Variants in ANKMY1 observed in about 807,000 individuals in gnomAD.
ANKMY1 encodes ankyrin repeat and MYND domain-containing protein 1.
Under a neutral mutation model 102.0 loss-of-function variants are expected in ANKMY1, and 98 were observed. That is an observed-to-expected ratio of 0.96 (90% CI 0.82 to 1.14). The LOEUF is 1.14. Among genes scored for constraint, ANKMY1 ranks in the 50% most tolerant of loss-of-function variants. The probability of loss-of-function intolerance (pLI) is 0.00; values close to 1 mark genes in which losing one functional copy is unlikely to be tolerated. For missense variants in ANKMY1, 1,330 were observed against 1,347.6 expected, an observed-to-expected ratio of 0.99 and a Z score of 0.20; for synonymous variants, 582 against 559.9, an observed-to-expected ratio of 1.04 and a Z score of -0.56.
chr2:240,490,907 C>A (rs887379515), intron 15 of ANKMY1, among the ~76,000 whole-genome samples: 1 of 152,054 alleles, frequency 6.6e-6, no homozygotes, highest in Non-Finnish European at 1.5e-5. Flanking sequence ...AGATAATCTG[C>A]CTAATGCTGA....
At chr2:240,523,277 A>G (rs2082664248) in intron 8 of ANKMY1, 1 of 152,850 alleles carries the variant, frequency 6.5e-6, no homozygotes. Flanking sequence ...CCATGCCCCC[A>G]AGCAGGCCGG....
Position 240,524,115 on chromosome 2 carries a change from C to T in ANKMY1, c.1602G>A (p.Val534=). The part of the protein sequence containing the change: ...SPLVKGSLGH[V]ESGLEDVLGN... Reference sequence around the variant, plus strand: ...CCAACACGTCCTCAAGCCCGCTTTCCACATGGCCAAGGCTGCCCTTCACCA... The same window carrying T: ...CCAACACGTCCTCAAGCCCGCTTTCTACATGGCCAAGGCTGCCCTTCACCA... Residue 534 remains valine, a synonymous_variant, in exon 8 of 18, where the codon GTG becomes GTA. Transcript: ENST00000401804. 1 of 1,614,072 alleles carries T rather than the reference C, an allele frequency of 6.2e-7. No homozygotes were observed.
chr2:240,525,118 C>T (rs1375091699), intron 7 of ANKMY1, among the ~76,000 whole-genome samples: 1 of 152,268 alleles, frequency 6.6e-6, no homozygotes. Flanking sequence ...TGTCCTAGTT[C>T]CTGTTTTCTT....
intron 9 of ANKMY1, 55 bp from the exon 10 acceptor site, chr2:240,512,997 G>A: frequency 6.3e-7 from 1 of 1,577,430 alleles, no homozygotes; most frequent in Non-Finnish European, 8.6e-7. Context: ...GGGAGAGACA[G>A]GTGAGGTACC....
chr2:240,555,087 T>C, intron 2 of ANKMY1, 32 bp from the exon 3 acceptor site: 4 of 1,608,512 alleles, frequency 2.5e-6, no homozygotes, highest in Non-Finnish European at 3.4e-6. Context: ...GAGGGAAGAG[T>C]GAAGTGGCTG....
At chr2:240,494,042 C>T (rs1411010325) in intron 15 of ANKMY1, among the ~76,000 whole-genome samples, 1 of 152,098 alleles carries the variant, frequency 6.6e-6, no homozygotes, top group East Asian at 1.9e-4. Context: ...AGGTAGGTGC[C>T]AGCTGAGGTG....
chr2:240,523,371 G>GCTAA (rs773035512), intron 8 of ANKMY1: 87 of 161,922 alleles, frequency 5.4e-4, no homozygotes, highest in Non-Finnish European at 9.0e-4. Flanking sequence ...CAAGGAGAAG[G>GCTAA]CTAACAGAGT....
chr2:240,513,274 C>G (rs1559293193), intron 9 of ANKMY1, among the ~76,000 whole-genome samples: 1 of 152,220 alleles, frequency 6.6e-6, no homozygotes. Context: ...CCCTGCCAGG[C>G]CCACCACATT....
In ANKMY1 at chr2:240,513,788, C is replaced by A. The variant is rs180972999; in HGVS notation, c.2005-846G>T. Among the ~76,000 whole-genome samples, 111 of 152,374 alleles carry A rather than the reference C, an allele frequency of 7.3e-4. 2 individuals carry two copies. Among genetic ancestry groups the A allele is most frequent in the African/African-American group, 2.6e-3 (107 of 41,592 alleles). On this transcript the variant is annotated intron_variant, in intron 9 of 17. Transcript: ENST00000401804. ...CCCAGCTTGACAGCAGCCCCTGCGA[C>A]CTCCACACAGCCCAACACCCACAGC... is the stretch of plus-strand genomic sequence containing the variant.
intron 13 of ANKMY1, among the ~76,000 whole-genome samples, chr2:240,501,280 G>C (rs1407203289): frequency 6.6e-6 from 1 of 152,200 alleles, no homozygotes; most frequent in Non-Finnish European, 1.5e-5. Context: ...GTGTGTTTGT[G>C]AGTGAGTGCA....
intron 5 of ANKMY1, chr2:240,527,324 AGATGAATGGATGGTTG>A (rs137902043): frequency 0.18 from 21,273 of 118,400 alleles, 2,454 homozygotes; most frequent in East Asian, 0.69. Context: ...GTAGGTGGGT[AGATGAATGGATGGTTG>A]GATGAATGGA....
rs1032528623 is a variant in ANKMY1 at position 240,499,883 on chromosome 2, C to A, written c.2806+75G>T. Reference sequence around the variant, plus strand: ...CAAGAGCCCCAGGGGGTCCAGATCTCCAGGGATAACAGCCCCAGGCACGAG... The same window carrying A: ...CAAGAGCCCCAGGGGGTCCAGATCTACAGGGATAACAGCCCCAGGCACGAG... On this transcript the variant is annotated intron_variant, in intron 15 of 17. Transcript: ENST00000401804. This position sits in a 1 kb window ranked among gnomAD's most constrained non-coding sequence, Gnocchi z 4.2. The A allele has an allele frequency of 6.1e-5, 92 of 1,499,726 alleles. 1 individual carries two copies. The African/African-American group carries it at 9.5e-4, about 16-fold the overall frequency. The allele number at this position is 1,499,726 out of a possible 1,614,324, so 92.9% of individuals were successfully genotyped here. A position where few individuals can be genotyped will look rare whatever the true frequency, so the allele number is the denominator to read the frequency against.
chr2:240,470,142 C>T, the ANKMY1 span, among the ~76,000 whole-genome samples: 2 of 152,246 alleles, frequency 1.3e-5, no homozygotes, highest in African/African-American at 2.4e-5. Context: ...GGCCCTCTGT[C>T]GAGAAACACC....
At chr2:240,534,859 T>G (rs1199803465) in intron 4 of ANKMY1, among the ~76,000 whole-genome samples, 2 of 151,976 alleles carry the variant, frequency 1.3e-5, no homozygotes, top group African/African-American at 4.8e-5. Flanking sequence ...TCCCAGCACT[T>G]TCGGAGGCTG....
chr2:240,500,390 G>T, intron 14 of ANKMY1, 62 bp downstream of exon 14: 2 of 1,509,048 alleles, frequency 1.3e-6, no homozygotes, highest in Non-Finnish European at 9.1e-7. Flanking sequence ...TAATGCCCCA[G>T]CCGGGGGCCC....
chr2:240,505,389 G>C (rs545948386), intron 13 of ANKMY1, among the ~76,000 whole-genome samples: 3 of 151,772 alleles, frequency 2.0e-5, no homozygotes, highest in South Asian at 4.2e-4. Context: ...TTGAACCTGA[G>C]AGGCGGAGGT....
chr2:240,483,687 TTTC>T (rs1158280393), intron 15 of ANKMY1, among the ~76,000 whole-genome samples: 1 of 152,214 alleles, frequency 6.6e-6, no homozygotes, highest in African/African-American at 2.4e-5. Flanking sequence ...GTGGATTCTT[TTTC>T]TTCTTATTAT....
intron 11 of ANKMY1, among the ~76,000 whole-genome samples, chr2:240,509,922 C>T (rs1485429923): frequency 1.3e-5 from 2 of 151,810 alleles, no homozygotes; most frequent in Admixed American, 6.6e-5. Flanking sequence ...AGGGCAGCCC[C>T]GTCCATGCCT....
intron 4 of ANKMY1, among the ~76,000 whole-genome samples, chr2:240,548,518 A>C (rs1299021876): frequency 6.6e-6 from 1 of 152,070 alleles, no homozygotes; most frequent in Non-Finnish European, 1.5e-5. Context: ...GGCCAGGGCA[A>C]TTAGGCAGGA....
Sources: allele counts gnomAD v4.1 joint callset (sites outside exome capture counted in the v4.1 genomes callset), GRCh38; gene constraint gnomAD v4.1.1; non-coding constraint Gnocchi (gnomAD v3.1); transcripts MANE v1.5; gene names NCBI Gene and HGNC (gene_info 2026-07-23, HGNC 2026-07-21).